CPT1A: variants seen among roughly 807,000 people sequenced by gnomAD.
The protein encoded by CPT1A is carnitine O-palmitoyltransferase 1, liver isoform.
Under a neutral mutation model 100.8 loss-of-function variants are expected in CPT1A, and 64 were observed. That is an observed-to-expected ratio of 0.63 (90% CI 0.52 to 0.78). The LOEUF (loss-of-function observed/expected upper bound fraction) is 0.78. CPT1A is among the 30% of genes least tolerant of loss of function. The pLI, the probability that CPT1A is intolerant of heterozygous loss-of-function variation, is 0.00. For missense variants in CPT1A, 802 were observed against 1,034.1 expected (o/e 0.78, Z 3.08); for synonymous variants, 363 against 396.0 (o/e 0.92, Z 0.99).
At chr11:68,819,299 C>T (rs1470602990) in intron 1 of CPT1A, among the ~76,000 whole-genome samples, 2 of 152,060 alleles carry the variant, frequency 1.3e-5, no homozygotes, top group South Asian at 2.1e-4. Flanking sequence ...AGGCTGTTCC[C>T]GAACTGCTGA....
intron 14 of CPT1A, among the ~76,000 whole-genome samples, chr11:68,769,403 A>ATTTTTTTTTTTTTT: frequency 7.5e-6 from 1 of 133,318 alleles, no homozygotes; most frequent in Non-Finnish European, 1.6e-5. Context: ...TGCTGGGCTA[A>ATTTTTTTTTTTTTT]TTTTTTTTTT....
intron 9 of CPT1A, chr11:68,785,892 C>A: frequency 3.3e-6 from 2 of 605,088 alleles, no homozygotes; most frequent in Non-Finnish European, 6.0e-6. Context: ...GTAAAAACTA[C>A]TAAAACAGAG....
intron 14 of CPT1A, among the ~76,000 whole-genome samples, chr11:68,765,260 C>G (rs569610445): frequency 3.3e-4 from 50 of 152,266 alleles, no homozygotes; most frequent in African/African-American, 1.2e-3. Context: ...ATCAATGTTC[C>G]AATATCAAAC....
chr11:68,779,398 A>G (rs1855236182), intron 12 of CPT1A, among the ~76,000 whole-genome samples: 1 of 151,958 alleles, frequency 6.6e-6, no homozygotes, highest in Non-Finnish European at 1.5e-5. Flanking sequence ...ACTTTAAACA[A>G]GAACCTGACC....
intron 14 of CPT1A, among the ~76,000 whole-genome samples, chr11:68,764,117 C>T (rs1342019835): frequency 1.3e-5 from 2 of 152,144 alleles, no homozygotes; most frequent in African/African-American, 4.8e-5. Context: ...AGCAAGGGCC[C>T]CTGCTGGGAA....
At chr11:68,797,040 A>T in intron 6 of CPT1A, 107 bp from the exon 7 acceptor site, 1 of 1,076,580 alleles carries the variant, frequency 9.3e-7, no homozygotes, top group East Asian at 2.6e-5. Flanking sequence ...CTTTTGGCAG[A>T]CATTTCGGCG....
intron 1 of CPT1A, among the ~76,000 whole-genome samples, chr11:68,828,407 C>CCG (rs1182545996): frequency 6.6e-6 from 1 of 151,786 alleles, no homozygotes; most frequent in Admixed American, 6.6e-5. Flanking sequence ...GTCAGGGCCC[C>CCG]CCACCTCCCA....
At position 68,823,918 on chromosome 11, in the gene CPT1A, T is replaced by C. The variant is rs1017814268; in HGVS notation, c.-13-8431A>G. On this transcript the variant is annotated intron_variant, in intron 1 of 18. Transcript: ENST00000265641. ...AATACCGCATGTTCTCACCTATAAGTGGCAGCTAAACAATGGGTACCCATA... is the reference window on the plus strand; with the variant it reads ...AATACCGCATGTTCTCACCTATAAGCGGCAGCTAAACAATGGGTACCCATA... 2.2e-4 allele frequency among the ~76,000 whole-genome samples: 33 copies of C among 151,908 alleles called. 1 individual carries two copies. Among genetic ancestry groups the C allele is most frequent in the Non-Finnish European group, 7.4e-5 (5 of 67,986 alleles).
chr11:68,760,738 C>T (rs762626323), intron 16 of CPT1A, among the ~76,000 whole-genome samples: 45 of 152,264 alleles, frequency 3.0e-4, no homozygotes, highest in South Asian at 6.2e-4. Flanking sequence ...ATTTGCCAGG[C>T]GCAATGGTTC....
At chr11:68,826,401 A>G (rs1349494769) in intron 1 of CPT1A, among the ~76,000 whole-genome samples, 1 of 150,496 alleles carries the variant, frequency 6.6e-6, no homozygotes, top group African/African-American at 2.5e-5. Flanking sequence ...AGCCGAGACC[A>G]GGCCACTGCA....
At chr11:68,819,281 T>C (rs1856515288) in intron 1 of CPT1A, among the ~76,000 whole-genome samples, 1 of 152,132 alleles carries the variant, frequency 6.6e-6, no homozygotes, top group Admixed American at 6.5e-5. Context: ...GGTTTCACCA[T>C]GTTGGCCAGG....
chr11:68,794,776 AT>A (rs1855711614), intron 8 of CPT1A, 27 bp downstream of exon 8: 4 of 1,555,586 alleles, frequency 2.6e-6, no homozygotes, highest in East Asian at 4.5e-5. Context: ...TTTGAAAATA[AT>A]TTTTTTAAAG....
At chr11:68,773,173 C>G in intron 14 of CPT1A, 92 bp downstream of exon 14, 1 of 1,586,324 alleles carries the variant, frequency 6.3e-7, no homozygotes, top group Non-Finnish European at 8.5e-7. Context: ...TGCCGGGTTT[C>G]GGGCCTTCCC....
At position 68,807,848 on chromosome 11, in the gene CPT1A, G is replaced by A. The variant is rs190248874; in HGVS notation, c.282-210C>T. 5.3e-5 allele frequency among the ~76,000 whole-genome samples: 8 copies of A among 152,352 alleles called. No homozygotes were observed. In the East Asian group the frequency reaches 1.5e-3, roughly 29 times the overall value. On this transcript the variant is annotated intron_variant, in intron 3 of 18. Coordinates refer to ENST00000265641, the MANE Select transcript of CPT1A (RefSeq NM_001876.4). ...TCCTCACCCCAAAACCAATCACGCC[G>A]AAAGTAGCTGGCAGACCCAGGCGCC...
At chr11:68,768,463 T>C (rs1303332782) in intron 14 of CPT1A, among the ~76,000 whole-genome samples, 1 of 151,888 alleles carries the variant, frequency 6.6e-6, no homozygotes, top group Non-Finnish European at 1.5e-5. Flanking sequence ...TGGAGTGCAG[T>C]GGCGTGGTCT....
intron 1 of CPT1A, among the ~76,000 whole-genome samples, chr11:68,830,750 C>T (rs1170730276): frequency 6.6e-6 from 1 of 152,182 alleles, no homozygotes; most frequent in African/African-American, 2.4e-5. Flanking sequence ...CTGTTTTCTC[C>T]TTTCTTCATA....
intron 14 of CPT1A, among the ~76,000 whole-genome samples, chr11:68,763,205 G>A (rs1446104584): frequency 6.6e-6 from 1 of 152,158 alleles, no homozygotes; most frequent in Non-Finnish European, 1.5e-5. Flanking sequence ...TAGTGACGTG[G>A]CAGCAGACAG....
chr11:68,762,607 T>C lies in CPT1A; in HGVS notation c.1875+20A>G. 6.2e-7 allele frequency: 1 copy of C among 1,612,968 alleles called. No homozygotes were observed. Among genetic ancestry groups the C allele is most frequent in the Non-Finnish European group, 8.5e-7 (1 of 1,179,986 alleles). On this transcript the variant is annotated intron_variant, in intron 15 of 18. Transcript: ENST00000265641. ...GAAGTGTGACAAGCACGTTGTGTCC[T>C]CAGCCTGATGGCACATTACCGTCTG...
At chr11:68,836,202 G>A (rs924483958) in intron 1 of CPT1A, among the ~76,000 whole-genome samples, 6 of 152,224 alleles carry the variant, frequency 3.9e-5, no homozygotes, top group South Asian at 2.1e-4. Flanking sequence ...GAAGCCCGGC[G>A]TGGTGGCTCA....
Sources: gnomAD v4.1 joint callset for allele counts (sites outside exome capture counted in the v4.1 genomes callset) on GRCh38, gnomAD v4.1.1 for gene constraint, MANE v1.5 for transcripts, NCBI Gene and HGNC (gene_info 2026-07-23, HGNC 2026-07-21) for gene names.